KIAA1217: variants seen among roughly 807,000 people sequenced by gnomAD.
KIAA1217 encodes the protein KIAA1217, also known as sickle tail protein homolog.
A neutral mutation model predicts 163.9 loss-of-function variants in KIAA1217; 88 were observed. The observed-to-expected ratio is 0.54, with a 90% CI of 0.45 to 0.64. KIAA1217 has a LOEUF of 0.64. Ranked by LOEUF, KIAA1217 falls within the 30% of genes least tolerant of loss-of-function variation. KIAA1217 has a pLI of 0.00. For missense variants in KIAA1217, 2,372 were observed against 2,475.0 expected (o/e 0.96, Z 0.88); for synonymous variants, 903 against 923.1 (o/e 0.98, Z 0.39).
chr10:24,188,447 AG>A (rs1303752623), intron 2 of KIAA1217, among the ~76,000 whole-genome samples: 1 of 152,192 alleles, frequency 6.6e-6, no homozygotes, highest in Non-Finnish European at 1.5e-5. Context: ...CATGTAAAAA[AG>A]GGTCCCTTAT....
intron 2 of KIAA1217, among the ~76,000 whole-genome samples, chr10:24,123,831 T>C (rs1030152282): frequency 2.0e-5 from 3 of 152,212 alleles, no homozygotes; most frequent in Non-Finnish European, 4.4e-5. Flanking sequence ...TATTCTTCTT[T>C]GCTAATCTCT....
intron 1 of KIAA1217, among the ~76,000 whole-genome samples, chr10:23,815,511 G>T (rs1041154354): frequency 2.0e-5 from 3 of 152,154 alleles, no homozygotes; most frequent in Non-Finnish European, 4.4e-5. Context: ...GGGCGTGGTG[G>T]CAGGCGCCTG....
chr10:24,526,879 T>C (rs1031983263), intron 13 of KIAA1217, among the ~76,000 whole-genome samples: 2 of 152,150 alleles, frequency 1.3e-5, no homozygotes, highest in Non-Finnish European at 2.9e-5. Context: ...TGGTGGCTAT[T>C]ATTTATATGT....
chr10:23,787,227 T>A lies in KIAA1217; in HGVS notation c.-321+91993T>A, dbSNP rs916932158. ...CCTCTGGGGTGATTTAAATATGGAGTGTGATAAATACAAAAATCCTCTTGT... is the reference window on the plus strand; with the variant it reads ...CCTCTGGGGTGATTTAAATATGGAGAGTGATAAATACAAAAATCCTCTTGT... On this transcript the variant is annotated intron_variant, in intron 1 of 18. Transcript: ENST00000376462. Among the ~76,000 whole-genome samples, 4 of 152,126 alleles carry A rather than the reference T, an allele frequency of 2.6e-5. No individual in the cohort carries two copies. In the East Asian group the frequency reaches 7.7e-4, roughly 29 times the overall value.
chr10:24,036,218 G>C (rs1366756239), intron 2 of KIAA1217, among the ~76,000 whole-genome samples: 1 of 152,214 alleles, frequency 6.6e-6, no homozygotes, highest in Non-Finnish European at 1.5e-5. Context: ...CAGGAAGAGA[G>C]TTCATGGGAA....
At chr10:23,805,773 G>C (rs1317252903) in intron 1 of KIAA1217, among the ~76,000 whole-genome samples, 2 of 151,980 alleles carry the variant, frequency 1.3e-5, no homozygotes, top group Non-Finnish European at 2.9e-5. Context: ...CAGCACTTTG[G>C]GAGGCCGAGG....
intron 1 of KIAA1217, among the ~76,000 whole-genome samples, chr10:23,748,573 C>T (rs1342322664): frequency 1.6e-4 from 7 of 43,968 alleles, no homozygotes; most frequent in Non-Finnish European, 2.2e-4. Context: ...GGGAGGGGGA[C>T]GGAAGGAAGG....
intron 1 of KIAA1217, among the ~76,000 whole-genome samples, chr10:23,918,731 TATACACACAC>T (rs1842724896): frequency 7.3e-6 from 1 of 137,828 alleles, no homozygotes; most frequent in South Asian, 2.2e-4. Flanking sequence ...GAATTAAATA[TATACACACAC>T]ACACACACAC....
intron 1 of KIAA1217, among the ~76,000 whole-genome samples, chr10:23,925,727 T>C (rs147155577): frequency 1.3e-5 from 2 of 152,298 alleles, no homozygotes; most frequent in Admixed American, 6.5e-5. Context: ...CCTAAGTGAC[T>C]GTAGACAGAC....
At position 24,283,534 on chromosome 10, in the gene KIAA1217, G is replaced by T. The variant is rs532388439; in HGVS notation, c.354+63625G>T. On this transcript the variant is annotated intron_variant, in intron 2 of 20. Coordinates refer to ENST00000376454, the MANE Select transcript of KIAA1217 (RefSeq NM_019590.5). ...ATTCAAAAATTAGCCAGAAGTGGTG[G>T]TGTATGCCTGTAGTCCCAGCTACTC... Among the ~76,000 whole-genome samples, 4 of 152,222 alleles carry T rather than the reference G, an allele frequency of 2.6e-5. No individual in the cohort carries two copies. The East Asian group carries it at 7.8e-4, about 30-fold the overall frequency.
intron 2 of KIAA1217, among the ~76,000 whole-genome samples, chr10:24,189,259 C>G (rs1408142102): frequency 6.6e-6 from 1 of 152,086 alleles, no homozygotes; most frequent in Non-Finnish European, 1.5e-5. Context: ...AGTGTACACT[C>G]ATTCAAAATA....
intron 2 of KIAA1217, chr10:24,158,758 A>C (rs904998510): frequency 2.0e-6 from 1 of 491,722 alleles, no homozygotes. Context: ...AAAATCTTGT[A>C]TCCAAAGCAA....
chr10:23,751,088 C>T (rs1422614166), intron 1 of KIAA1217, among the ~76,000 whole-genome samples: 1 of 151,716 alleles, frequency 6.6e-6, no homozygotes, highest in African/African-American at 2.4e-5. Context: ...AAGGCAGTGG[C>T]ATGATCTTAG....
At chr10:23,777,275 C>T (rs545527493) in intron 1 of KIAA1217, among the ~76,000 whole-genome samples, 2 of 152,298 alleles carry the variant, frequency 1.3e-5, no homozygotes, top group South Asian at 4.1e-4. Flanking sequence ...TTATGTGTTA[C>T]AACAATTTAA....
At chr10:23,842,886 T>G (rs546175498) in intron 1 of KIAA1217, among the ~76,000 whole-genome samples, 1 of 152,214 alleles carries the variant, frequency 6.6e-6, no homozygotes, top group East Asian at 1.9e-4. Flanking sequence ...GTTTGAACAC[T>G]GATATGAAAG....
At chr10:24,459,104 G>A (rs2062093048) in intron 5 of KIAA1217, among the ~76,000 whole-genome samples, 1 of 152,122 alleles carries the variant, frequency 6.6e-6, no homozygotes. Context: ...CCCACCATCT[G>A]AGAGTTGGAG....
At position 24,359,450 on chromosome 10, in the gene KIAA1217, T is replaced by C. The variant is rs553807320; in HGVS notation, c.355-21419T>C. Among the ~76,000 whole-genome samples the C allele has an allele frequency of 1.3e-4, 20 of 152,324 alleles. No individual in the cohort carries two copies. The East Asian group carries it at 3.9e-3, about 29-fold the overall frequency. On this transcript the variant is annotated intron_variant, in intron 2 of 20. Transcript: ENST00000376454. Reference sequence around the variant, plus strand: ...CAAATTGCTCATAAATCTGCATTACTGTATGTCAGATATTGGCTTTAGCAT... The same window carrying C: ...CAAATTGCTCATAAATCTGCATTACCGTATGTCAGATATTGGCTTTAGCAT...
intron 1 of KIAA1217, among the ~76,000 whole-genome samples, chr10:23,953,278 A>C (rs1392047574): frequency 1.3e-5 from 2 of 152,244 alleles, no homozygotes; most frequent in African/African-American, 2.4e-5. Context: ...TTAACATATT[A>C]TGCTTGTTCT....
intron 2 of KIAA1217, among the ~76,000 whole-genome samples, chr10:24,232,935 CAAAAAAAAAAAAA>C (rs908492411): frequency 3.6e-5 from 2 of 56,308 alleles, no homozygotes; most frequent in Non-Finnish European, 6.1e-5. Context: ...CTTATCTCTA[CAAAAAAAAAAAAA>C]AAAAAAAAAA....
Sources: gnomAD v4.1 joint callset for allele counts (sites outside exome capture counted in the v4.1 genomes callset) on GRCh38, gnomAD v4.1.1 for gene constraint, MANE v1.5 for transcripts, NCBI Gene and HGNC (gene_info 2026-07-23, HGNC 2026-07-21) for gene names.